The following FRG1 variants were observed in gnomAD, a reference collection of about 807,000 sequenced individuals.
The protein encoded by FRG1 is protein FRG1.
In FRG1, 19 loss-of-function variants were observed where a neutral mutation model predicts 37.0. The ratio of observed to expected loss-of-function variants is 0.51; its 90% CI spans 0.36 to 0.75. FRG1 has a LOEUF of 0.75. Among genes scored for constraint, FRG1 ranks in the 30% least tolerant of loss-of-function variants. The probability of loss-of-function intolerance (pLI) is 0.00; values close to 1 mark genes in which losing one functional copy is unlikely to be tolerated. For synonymous variants in FRG1, 73 were observed against 96.5 expected (o/e 0.76, Z 1.43); for missense variants, 243 against 301.4 (o/e 0.81, Z 1.44).
At chr4:189,959,393 C>G (rs1737133978) in intron 6 of FRG1, among the ~76,000 whole-genome samples, 1 of 152,122 alleles carries the variant, frequency 6.6e-6, no homozygotes, top group African/African-American at 2.4e-5. Context: ...TCCTTACATC[C>G]TCGTGGTTTT....
At chr4:189,960,880 G>A (rs970739784) in intron 7 of FRG1, 41 bp downstream of exon 7, 4 of 1,594,546 alleles carry the variant, frequency 2.5e-6, no homozygotes, top group Non-Finnish European at 3.4e-6. Context: ...ATTTGACAGT[G>A]AAGTGCTTCT....
intron 6 of FRG1, 118 bp downstream of exon 6, chr4:189,957,620 A>T: frequency 1.1e-6 from 1 of 886,976 alleles, no homozygotes; most frequent in Non-Finnish European, 1.8e-6. Flanking sequence ...AGCTTTTTAT[A>T]ATGTGGTGTT....
intron 6 of FRG1, chr4:189,959,906 G>T (rs1386790007): frequency 2.0e-6 from 2 of 982,490 alleles, no homozygotes; most frequent in African/African-American, 1.7e-5. Context: ...CCAGAACACA[G>T]ATCCCTCTTA....
At chr4:189,955,722 G>A (rs569960993) in intron 5 of FRG1, among the ~76,000 whole-genome samples, 2 of 152,244 alleles carry the variant, frequency 1.3e-5, no homozygotes, top group African/African-American at 4.8e-5. Context: ...TTAAATCTTT[G>A]TTGACACAGA....
intron 8 of FRG1, among the ~76,000 whole-genome samples, chr4:189,962,454 CA>C (rs1737277303): frequency 6.6e-6 from 1 of 152,096 alleles, no homozygotes; most frequent in African/African-American, 2.4e-5. Flanking sequence ...CATAGAAAAA[CA>C]GAGACGTTTA....
chr4:189,950,198 G>A (rs143398018), intron 2 of FRG1, among the ~76,000 whole-genome samples: 3 of 152,170 alleles, frequency 2.0e-5, no homozygotes, highest in Non-Finnish European at 4.4e-5. Flanking sequence ...AGCAATGTCC[G>A]TGTATATCCT....
chr4:189,955,370 T>C (rs1294969336), intron 5 of FRG1, among the ~76,000 whole-genome samples: 2 of 152,188 alleles, frequency 1.3e-5, no homozygotes, highest in Non-Finnish European at 2.9e-5. Context: ...CTGTATACCC[T>C]TAGTGCCTAG....
At chr4:189,953,943 C>T (rs1239572792) in intron 4 of FRG1, among the ~76,000 whole-genome samples, 1 of 151,958 alleles carries the variant, frequency 6.6e-6, no homozygotes, top group Non-Finnish European at 1.5e-5. Flanking sequence ...AAAATATTTG[C>T]AACAATCTTA....
At chr4:189,944,015 A>G (rs1236761175) in intron 2 of FRG1, among the ~76,000 whole-genome samples, 4 of 152,238 alleles carry the variant, frequency 2.6e-5, no homozygotes, top group Non-Finnish European at 5.9e-5. Flanking sequence ...GTTTAACTAT[A>G]TAAGAAAATG....
chr4:189,952,275 C>G lies in FRG1; in HGVS notation c.247C>G (p.Pro83Ala). 1 of 1,610,876 alleles carries G rather than the reference C, an allele frequency of 6.2e-7. No individual in the cohort carries two copies. The highest frequency in any genetic ancestry group is 8.5e-7 in the Non-Finnish European group (1 of 1,179,232). The change falls in exon 3 of 9, where the codon CCA becomes GCA. Residue 83 changes from proline to alanine, a missense_variant. This residue lies in a region of FRG1 where 110 missense variants were observed against 102.2 expected (regional missense o/e 1.08). Coordinates refer to ENST00000226798, the MANE Select transcript of FRG1 (RefSeq NM_004477.3). Reference protein sequence around the residue: ...LDNGLFTLGAPHKEVDEGPSP... With the variant: ...LDNGLFTLGAAHKEVDEGPSP... ...CAATGGTCTTTTTACCCTGGGAGCT[C>G]CACACAAAGAAGGTTTGTGTCTGGA...
intron 6 of FRG1, among the ~76,000 whole-genome samples, chr4:189,958,317 A>G (rs74948828): frequency 6.6e-6 from 1 of 152,194 alleles, no homozygotes; most frequent in Non-Finnish European, 1.5e-5. Flanking sequence ...GTAAATTTCC[A>G]GAAGCAGAAT....
intron 6 of FRG1, chr4:189,959,965 A>G (rs1383473782): frequency 2.8e-5 from 23 of 807,748 alleles, no homozygotes; most frequent in Non-Finnish European, 3.3e-5. Context: ...CTTTATGACC[A>G]GAACACAGAT....
At chr4:189,944,859 T>A (rs538011049) in intron 2 of FRG1, among the ~76,000 whole-genome samples, 1 of 152,228 alleles carries the variant, frequency 6.6e-6, no homozygotes, top group East Asian at 1.9e-4. Flanking sequence ...TTATTAACTG[T>A]TAATTTATTA....
In FRG1 at chr4:189,943,195, C is replaced by T. The variant is rs370945830; in HGVS notation, c.63-7C>T. 2.9e-5 allele frequency: 45 copies of T among 1,575,518 alleles called. No homozygotes were observed. In the Middle Eastern group the frequency reaches 8.4e-4, roughly 29 times the overall value. Reference sequence around the variant, plus strand: ...CTAAACTCGTCTATATAAATTATGTCCTGTAGTAAGAAGAAAAAGAGCAAA... The same window carrying T: ...CTAAACTCGTCTATATAAATTATGTTCTGTAGTAAGAAGAAAAAGAGCAAA... On this transcript the variant is annotated splice_region_variant and splice_polypyrimidine_tract_variant and intron_variant, in intron 1 of 8. Transcript: ENST00000226798.
chr4:189,945,297 A>G (rs1736478107), intron 2 of FRG1, among the ~76,000 whole-genome samples: 1 of 152,232 alleles, frequency 6.6e-6, no homozygotes, highest in Non-Finnish European at 1.5e-5. Context: ...AGCATTGAAC[A>G]GAAGTCATGA....
At chr4:189,953,292 A>G (rs1736840156) in intron 4 of FRG1, among the ~76,000 whole-genome samples, 167 bp downstream of exon 4, 1 of 147,878 alleles carries the variant, frequency 6.8e-6, no homozygotes, top group Non-Finnish European at 1.5e-5. Flanking sequence ...TGGATTTCCT[A>G]TCAATATATA....
intron 5 of FRG1, among the ~76,000 whole-genome samples, chr4:189,956,540 G>A (rs1196032147): frequency 1.3e-5 from 2 of 152,130 alleles, no homozygotes; most frequent in Non-Finnish European, 2.9e-5. Context: ...GGTTTAAATC[G>A]TCTTGGACCA....
In FRG1 at chr4:189,963,111, C is replaced by T. The variant is rs369748029; in HGVS notation, c.759C>T (p.Ala253=). ...TAAACAGGAGAGCCAAATTGAAAGC[C>T]GACAGATACTGCAAGTGACTGGGAT... ...TLLDRRAKLK[A]DRYCK is the part of the protein sequence containing the mutation. The change falls in exon 9 of 9, where the codon GCC becomes GCT. Residue 253 remains alanine (A), a synonymous_variant. Transcript: ENST00000226798. 45 of 1,610,566 alleles carry T rather than the reference C, an allele frequency of 2.8e-5. No individual in the cohort carries two copies. Among genetic ancestry groups the T allele is most frequent in the East Asian group, 2.2e-4 (10 of 44,728 alleles).
intron 2 of FRG1, 23 bp from the exon 3 acceptor site, chr4:189,952,139 G>A: frequency 6.6e-7 from 1 of 1,510,248 alleles, no homozygotes; most frequent in Non-Finnish European, 9.0e-7. Context: ...ATATAAAGTT[G>A]AAATATTGAT....
Sources: allele counts gnomAD v4.1 joint callset (sites outside exome capture counted in the v4.1 genomes callset), GRCh38; gene constraint gnomAD v4.1.1; regional missense constraint gnomAD v4.1.1; transcripts MANE v1.5; gene names NCBI Gene and HGNC (gene_info 2026-07-23, HGNC 2026-07-21).